Variants in ABL1 observed in about 807,000 individuals in gnomAD.
ABL1 encodes the protein ABL proto-oncogene 1, non-receptor tyrosine kinase.
A neutral mutation model predicts 94.7 loss-of-function variants in ABL1; 11 were observed. The ratio of observed to expected loss-of-function variants is 0.12; its 90% CI spans 0.07 to 0.19. The LOEUF is 0.19. Among genes scored for constraint, ABL1 ranks in the 10% least tolerant of loss-of-function variants. The probability of loss-of-function intolerance (pLI) is 1.00; values close to 1 mark genes in which losing one functional copy is unlikely to be tolerated. For missense variants in ABL1, 1,082 were observed against 1,489.4 expected, an observed-to-expected ratio of 0.73 and a Z score of 4.50; for synonymous variants, 656 against 622.4, an observed-to-expected ratio of 1.05 and a Z score of -0.80.
chr9:130,824,536 C>T (rs928221524), intron 1 of ABL1, among the ~76,000 whole-genome samples: 1 of 152,130 alleles, frequency 6.6e-6, no homozygotes, highest in Non-Finnish European at 1.5e-5. Flanking sequence ...CAAGCTGACA[C>T]ATACATTTAA....
At position 130,885,501 on chromosome 9, in the gene ABL1, G is replaced by T; in HGVS notation, c.3211G>T (p.Val1071Leu). 6.2e-7 allele frequency: 1 copy of T among 1,614,164 alleles called. No individual in the cohort carries two copies. The highest frequency in any genetic ancestry group is 8.5e-7 in the Non-Finnish European group (1 of 1,180,044). The part of the protein sequence containing the change: ...KNLYTFCVSY[V>L]DSIQQMRNKF... ...CCTCTACACGTTCTGCGTGAGCTAT[G>T]TGGATTCCATCCAGCAAATGAGGAA... The change falls in exon 11 of 11, where the codon GTG (valine) becomes TTG (leucine). Residue 1071 changes from valine (V) to leucine (L), a missense_variant. By Grantham distance (32) the Val-to-Leu change is conservative (BLOSUM62 1). Transcript: ENST00000318560.
At chr9:130,828,797 AATG>A (rs1482931243) in intron 1 of ABL1, among the ~76,000 whole-genome samples, 1 of 152,224 alleles carries the variant, frequency 6.6e-6, no homozygotes, top group African/African-American at 2.4e-5. Context: ...ACAAAAAAAT[AATG>A]ATAATAACGA....
rs1289411917 is a variant in ABL1, at chr9:130,872,476, A to G, written c.907+263A>G. On this transcript the variant is annotated intron_variant, in intron 5 of 10. Coordinates refer to ENST00000318560, the MANE Select transcript of ABL1 (RefSeq NM_005157.6). This position sits in a 1 kb window ranked among gnomAD's most constrained non-coding sequence, Gnocchi z 5.0. ...AGCAGTCAAATGCAAATCTGAAATT[A>G]GTTTCTGAAACTTGGGCATTTTCCA... 6.6e-6 allele frequency among the ~76,000 whole-genome samples: 1 copy of G among 152,250 alleles called. No individual in the cohort carries two copies. Among genetic ancestry groups the G allele is most frequent in the Non-Finnish European group, 1.5e-5 (1 of 68,042 alleles).
chr9:130,844,213 A>G (rs1219026901), intron 1 of ABL1, among the ~76,000 whole-genome samples: 1 of 152,170 alleles, frequency 6.6e-6, no homozygotes, highest in East Asian at 1.9e-4. Flanking sequence ...TGGCCCTGAT[A>G]GTAGGGAGTG....
At chr9:130,834,199 T>G (rs542912960), upstream of ABL1, among the ~76,000 whole-genome samples, 2 of 152,218 alleles carry the variant, frequency 1.3e-5, no homozygotes, top group African/African-American at 4.8e-5. Context: ...GAAGGTAACA[T>G]GGCACATAGG....
Position 130,760,943 on chromosome 9 carries a change from CTTTTTTTT to C in ABL1, c.136+46503_136+46510del, listed in dbSNP as rs35842480. On this transcript the variant is annotated intron_variant, in intron 1 of 10. Transcript: ENST00000372348. ...AGTGCTATTTCCTCCCCCGCCCCTG[CTTTTTTTT>C]TTTTTTTTTTTTTTGAGACGGAGTC... 1.1e-4 allele frequency among the ~76,000 whole-genome samples: 9 copies of C among 85,242 alleles called. No homozygotes were observed. The South Asian group carries it at 4.4e-3, about 41-fold the overall frequency. The allele number at this position is 85,242 out of a possible 152,430, so 55.9% of individuals were successfully genotyped here.
At chr9:130,882,347 A>G (rs1223590618) in intron 10 of ABL1, among the ~76,000 whole-genome samples, 2 of 152,080 alleles carry the variant, frequency 1.3e-5, no homozygotes, top group Non-Finnish European at 2.9e-5. Context: ...GCCTCCTTCC[A>G]CTAGATTAAA....
intron 1 of ABL1, among the ~76,000 whole-genome samples, chr9:130,797,109 G>T (rs1043594870): frequency 6.6e-6 from 1 of 150,548 alleles, no homozygotes; most frequent in African/African-American, 2.4e-5. Flanking sequence ...GGTGGCAAGC[G>T]CCTGTAATCC....
In ABL1 at chr9:130,880,869, G is replaced by T. The variant is rs980370877; in HGVS notation, c.1678+205G>T. Among the ~76,000 whole-genome samples, 11 of 152,202 alleles carry T rather than the reference G, an allele frequency of 7.2e-5. No homozygotes were observed. The highest frequency in any genetic ancestry group is 1.3e-4 in the Non-Finnish European group (9 of 68,042). ...TCCCCTCCCTCTGAGAGTCCCCGAG[G>T]AGCATAGGCTCCAGCAGTGAGTTCA... On this transcript the variant is annotated intron_variant, in intron 10 of 10. Coordinates refer to ENST00000318560, the MANE Select transcript of ABL1 (RefSeq NM_005157.6). The surrounding 1 kb of genome is among the most constrained non-coding windows in gnomAD (Gnocchi z 4.4).
At chr9:130,761,001 G>A (rs540941173) in intron 1 of ABL1, among the ~76,000 whole-genome samples, 6 of 136,022 alleles carry the variant, frequency 4.4e-5, no homozygotes, top group Non-Finnish European at 9.1e-5. Context: ...AGGCTGGAGT[G>A]CAGTGGTGCA....
chr9:130,771,333 C>T (rs1832248947), intron 1 of ABL1, among the ~76,000 whole-genome samples: 1 of 152,170 alleles, frequency 6.6e-6, no homozygotes, highest in African/African-American at 2.4e-5. Context: ...GATCTTCCCA[C>T]CTCAGCCTTC....
intron 1 of ABL1, among the ~76,000 whole-genome samples, chr9:130,819,859 T>G (rs1830337389): frequency 1.3e-5 from 2 of 151,948 alleles, no homozygotes; most frequent in African/African-American, 4.8e-5. Context: ...CCTACTTTTT[T>G]TTTTTTTTTA....
rs1280512306 is a variant in ABL1, at chr9:130,884,271, A to G, written c.1981A>G (p.Lys661Glu). Residue 661 changes from lysine to glutamate, a missense_variant, in exon 11 of 11, where the codon AAG (lysine) becomes GAG (glutamate). Around this residue, in one of 7 missense-constraint regions of ABL1, gnomAD observed 780 missense variants for 835.8 expected, o/e 0.93. Coordinates refer to ENST00000318560, the MANE Select transcript of ABL1 (RefSeq NM_005157.6). The surrounding 1 kb of genome is among the most constrained non-coding windows in gnomAD (Gnocchi z 5.6). ...LDTADPAKSP[K>E]PSNGAGVPNG... ...CACAGCTGACCCAGCCAAGTCCCCA[A>G]AGCCCAGCAATGGGGCTGGGGTCCC... The G allele has an allele frequency of 6.3e-7, 1 of 1,598,948 alleles. No individual in the cohort carries two copies. Among genetic ancestry groups the G allele is most frequent in the Non-Finnish European group, 8.5e-7 (1 of 1,173,024 alleles).
chr9:130,807,074 C>T (rs938944895), intron 1 of ABL1, among the ~76,000 whole-genome samples: 7 of 151,958 alleles, frequency 4.6e-5, no homozygotes, highest in South Asian at 2.1e-4. Context: ...CGCTTGAACC[C>T]GGGAGGCAGA....
intron 1 of ABL1, among the ~76,000 whole-genome samples, chr9:130,742,328 T>C (rs1291999472): frequency 6.6e-6 from 1 of 152,200 alleles, no homozygotes; most frequent in Admixed American, 6.5e-5. Context: ...TGAGATGTAC[T>C]GATGATGACT....
chr9:130,809,095 T>TTGTG (rs1830169131), intron 1 of ABL1, among the ~76,000 whole-genome samples: 1 of 151,512 alleles, frequency 6.6e-6, no homozygotes, highest in Non-Finnish European at 1.5e-5. Flanking sequence ...GCAGCTAGAG[T>TTGTG]TCACAGGCAG....
At chr9:130,718,260 G>A (rs1564266658) in intron 1 of ABL1, among the ~76,000 whole-genome samples, 1 of 147,982 alleles carries the variant, frequency 6.8e-6, no homozygotes, top group Non-Finnish European at 1.5e-5. Flanking sequence ...AGAGGTTGCA[G>A]TGACCTGAGA....
intron 1 of ABL1, among the ~76,000 whole-genome samples, chr9:130,774,453 T>TA (rs559251241): frequency 6.6e-6 from 1 of 152,148 alleles, no homozygotes; most frequent in South Asian, 2.1e-4. Flanking sequence ...GACTGCCCTA[T>TA]AAAGCTAAGA....
chr9:130,814,799 C>G lies in ABL1; in HGVS notation c.137-39265C>G, dbSNP rs1336935582. Among the ~76,000 whole-genome samples, 1 of 151,580 alleles carries G rather than the reference C, an allele frequency of 6.6e-6. No homozygotes were observed. Among genetic ancestry groups the G allele is most frequent in the Non-Finnish European group, 1.5e-5 (1 of 67,904 alleles). ...GGCTGAGGCAGGAGAATGGCTTGAA[C>G]CTGGGAGGCGGAGCTTGCAGTGAGC... On this transcript the variant is annotated intron_variant, in intron 1 of 10. Coordinates refer to the ABL1 transcript ENST00000372348. The surrounding 1 kb of genome is among the most constrained non-coding windows in gnomAD (Gnocchi z 4.4).
Sources: allele counts gnomAD v4.1 joint callset (sites outside exome capture counted in the v4.1 genomes callset), GRCh38; gene constraint gnomAD v4.1.1; regional missense constraint gnomAD v4.1.1; non-coding constraint Gnocchi (gnomAD v3.1); transcripts MANE v1.5; gene names NCBI Gene and HGNC (gene_info 2026-07-23, HGNC 2026-07-21).